The following NFKBIB variants were observed in gnomAD, a reference collection of about 807,000 sequenced individuals.
NFKBIB encodes NFKB inhibitor beta, also known as NF-kappa-B inhibitor beta.
NFKBIB carries 16 observed loss-of-function variants against 32.1 expected under a neutral mutation model. The observed-to-expected ratio is 0.50, with a 90% CI of 0.34 to 0.76. The LOEUF (loss-of-function observed/expected upper bound fraction) is 0.76. Among genes scored for constraint, NFKBIB ranks in the 30% least tolerant of loss-of-function variants. The pLI is 0.01. For missense variants in NFKBIB, 437 were observed against 514.9 expected (o/e 0.85, Z 1.46); for synonymous variants, 222 against 219.5 (o/e 1.01, Z -0.10).
In NFKBIB at chr19:38,905,534, G is replaced by A; in HGVS notation, c.618G>A (p.Glu206=). Reference sequence around the variant, plus strand: ...TGCAGCTGGAGGCTGAAAACTACGAGGGTGAGGGTCGTCACCAGGGAAGGA... The same window carrying A: ...TGCAGCTGGAGGCTGAAAACTACGAAGGTGAGGGTCGTCACCAGGGAAGGA... ...WKLQLEAENY[E]GHTPLHVAVI... is the part of the protein sequence containing the mutation. The change falls in exon 3 of 6, where the codon GAG becomes GAA. Residue 206 remains glutamate (E), a splice_region_variant and synonymous_variant. Coordinates refer to ENST00000313582, the MANE Select transcript of NFKBIB (RefSeq NM_002503.5). This position sits in a 1 kb window ranked among gnomAD's most constrained non-coding sequence, Gnocchi z 5.5. The A allele has an allele frequency of 1.9e-6, 3 of 1,600,658 alleles. No homozygotes were observed. Among genetic ancestry groups the A allele is most frequent in the Middle Eastern group, 3.3e-4 (2 of 5,992 alleles).
At position 38,908,869 on chromosome 19, in the gene NFKBIB, AC is replaced by A. The variant is rs748383174; in HGVS notation, c.*38del. The A allele has an allele frequency of 9.9e-6, 16 of 1,610,734 alleles. No homozygotes were observed. The South Asian group carries it at 1.4e-4, about 14-fold the overall frequency. On this transcript the variant is annotated 3_prime_UTR_variant, in exon 6 of 6. Coordinates refer to ENST00000313582, the MANE Select transcript of NFKBIB (RefSeq NM_002503.5). ...GTTAATATAATTTCCAGTTTAATAAACAAAACCCTAGTTCTGACAACCAGAG... is the reference window on the plus strand; with the variant it reads ...GTTAATATAATTTCCAGTTTAATAAAAAAACCCTAGTTCTGACAACCAGAG...
chr19:38,908,020 G>A (rs768190181), intron 5 of NFKBIB: 5 of 1,120,936 alleles, frequency 4.5e-6, no homozygotes, highest in Non-Finnish European at 5.5e-6. Context: ...GGGTGGCAGT[G>A]ATTTGAACAC....
upstream of NFKBIB, chr19:38,899,928 A>AG (rs773652866): frequency 3.3e-5 from 39 of 1,181,068 alleles, no homozygotes; most frequent in South Asian, 6.2e-4. Context: ...TGGGTGAATC[A>AG]GGGGGCGTGG....
Position 38,907,568 on chromosome 19 carries a change from T to G in NFKBIB, c.878T>G (p.Leu293Arg). 3.7e-6 allele frequency: 6 copies of G among 1,612,442 alleles called. No homozygotes were observed. The highest frequency in any genetic ancestry group is 5.1e-6 in the Non-Finnish European group (6 of 1,179,672). The stretch of plus-strand genomic sequence containing the variant: ...CCCAACCCCATCCTCGCCCGCCTCC[T>G]CCGTGCACACGGAGCCCCTGAGCCC... ...LRPNPILARLLRAHGAPEPEG... is the reference protein window; with the variant it reads ...LRPNPILARLRRAHGAPEPEG... Residue 293 changes from leucine (L) to arginine (R), a missense_variant, in exon 5 of 6, where the codon CTC becomes CGC. Leu to Arg is a moderately radical substitution (Grantham distance 102). Transcript: ENST00000313582.
intron 3 of NFKBIB, among the ~76,000 whole-genome samples, chr19:38,906,333 G>A (rs534591241): frequency 2.0e-5 from 3 of 151,304 alleles, no homozygotes; most frequent in South Asian, 2.1e-4. Context: ...TAGTAGAGAC[G>A]GGGTTTTACC....
Position 38,905,431 on chromosome 19 carries a change from C to T in NFKBIB, c.515C>T (p.Thr172Ile), listed in dbSNP as rs1974088983. The T allele has an allele frequency of 3.7e-6, 6 of 1,614,002 alleles. No individual in the cohort carries two copies. The highest frequency in any genetic ancestry group is 1.7e-5 in the Admixed American group (1 of 60,020). Reference protein sequence around the residue: ...LAQGPDRTPDTNHTPVALYPD... With the variant: ...LAQGPDRTPDINHTPVALYPD... ...CAGGGCCCTGACCGTACTCCCGACA[C>T]CAACCATACCCCTGTCGCCTTGTAC... The change falls in exon 3 of 6, where the codon ACC becomes ATC. Residue 172 changes from threonine (T) to isoleucine (I), a missense_variant. Physicochemically the swap from Thr to Ile is moderately conservative, Grantham distance 89 (BLOSUM62 -1). Coordinates refer to ENST00000313582, the MANE Select transcript of NFKBIB (RefSeq NM_002503.5). The surrounding 1 kb of genome is among the most constrained non-coding windows in gnomAD (Gnocchi z 5.5).
chr19:38,905,448 G>T lies in NFKBIB; in HGVS notation c.532G>T (p.Ala178Ser). ...TCCCGACACCAACCATACCCCTGTC[G>T]CCTTGTACCCCGATTCCGACTTGGA... is the stretch of plus-strand genomic sequence containing the variant. ...RTPDTNHTPV[A>S]LYPDSDLEKE... Residue 178 changes from alanine (A) to serine (S), a missense_variant, in exon 3 of 6, where the codon GCC becomes TCC. Physicochemically the swap from Ala to Ser is moderately conservative, Grantham distance 99 (BLOSUM62 1). Transcript: ENST00000313582. This position sits in a 1 kb window ranked among gnomAD's most constrained non-coding sequence, Gnocchi z 5.5. 3.1e-6 allele frequency: 5 copies of T among 1,613,994 alleles called. No homozygotes were observed. Among genetic ancestry groups the T allele is most frequent in the Non-Finnish European group, 4.2e-6 (5 of 1,179,998 alleles).
At chr19:38,908,671 T>C (rs1974231087) in intron 5 of NFKBIB, 60 bp from the exon 6 acceptor site, 2 of 1,562,436 alleles carry the variant, frequency 1.3e-6, no homozygotes, top group Non-Finnish European at 1.7e-6. Context: ...TATGAGGACA[T>C]GGGTGGTGGG....
Position 38,907,455 on chromosome 19 carries a change from T to C in NFKBIB, c.765T>C (p.Asp255=), listed in dbSNP as rs757439180. The C allele has an allele frequency of 1.2e-6, 2 of 1,607,244 alleles. No homozygotes were observed. The highest frequency in any genetic ancestry group is 1.7e-5 in the Admixed American group (1 of 59,844). ...TGGCAGTGGAGGCCCAGGCAGCCGATGTGCTGGAGCTTCTCCTGAGGGCAG... is the reference window on the plus strand; with the variant it reads ...TGGCAGTGGAGGCCCAGGCAGCCGACGTGCTGGAGCTTCTCCTGAGGGCAG... ...LHLAVEAQAA[D]VLELLLRAGA... The change falls in exon 5 of 6, where the codon GAT becomes GAC. Residue 255 remains aspartate, a synonymous_variant. Coordinates refer to ENST00000313582, the MANE Select transcript of NFKBIB (RefSeq NM_002503.5).
chr19:38,899,859 C>T (rs1353601739), upstream of NFKBIB: 2 of 756,650 alleles, frequency 2.6e-6, no homozygotes, highest in South Asian at 1.8e-5. Flanking sequence ...CTCCCGAATA[C>T]TCTGATTGGT....
Position 38,900,015 on chromosome 19 carries a change from C to A in NFKBIB, c.-18C>A. The A allele has an allele frequency of 1.4e-6, 2 of 1,453,660 alleles. No individual in the cohort carries two copies. Among genetic ancestry groups the A allele is most frequent in the Admixed American group, 2.7e-5 (1 of 37,458 alleles). 90.0% of individuals were successfully genotyped at this position (1,453,660 alleles called of 1,614,324 possible). On this transcript the variant is annotated 5_prime_UTR_variant, in exon 1 of 6. Transcript: ENST00000313582. ...TACAGGCGGGCGACTGCGGGGGGCC[C>A]CTGAGGCGGCGGGGGCCATGGCTGG...
rs1297084825 is a variant in NFKBIB at position 38,908,543 on chromosome 19, A to AAAT, written c.970-186_970-185insTAA. On this transcript the variant is annotated intron_variant, in intron 5 of 5. Coordinates refer to ENST00000313582, the MANE Select transcript of NFKBIB (RefSeq NM_002503.5). ...AACAGAGCGAGACTCCATCTTAAAA[A>AAAT]AAAAAAAAAAAAAAAGAAAGAAAAG... The AAAT allele has an allele frequency of 3.7e-3, 4,795 of 1,295,638 alleles. 4 individuals carry two copies. The highest frequency in any genetic ancestry group is 0.011 in the Middle Eastern group (39 of 3,468). The allele number at this position is 1,295,638 out of a possible 1,614,324, so 80.3% of individuals were successfully genotyped here.
chr19:38,905,447 C>T lies in NFKBIB; in HGVS notation c.531C>T (p.Val177=), dbSNP rs779362764. 40 of 1,613,940 alleles carry T rather than the reference C, an allele frequency of 2.5e-5. No individual in the cohort carries two copies. Among genetic ancestry groups the T allele is most frequent in the South Asian group, 9.9e-5 (9 of 91,090 alleles). ...DRTPDTNHTP[V]ALYPDSDLEK... is the part of the protein sequence containing the mutation. ...CTCCCGACACCAACCATACCCCTGT[C>T]GCCTTGTACCCCGATTCCGACTTGG... Residue 177 remains valine (V), a synonymous_variant, in exon 3 of 6, where the codon GTC becomes GTT. Transcript: ENST00000313582. The surrounding 1 kb of genome is among the most constrained non-coding windows in gnomAD (Gnocchi z 5.5).
At position 38,905,695 on chromosome 19, in the gene NFKBIB, A is replaced by T. The variant is rs2241704; in HGVS notation, c.619+160A>T. 0.17 allele frequency among the ~76,000 whole-genome samples: 25,105 copies of T among 152,114 alleles called. 2,564 individuals carry two copies. The highest frequency in any genetic ancestry group is 0.32 in the South Asian group (1,545 of 4,818). The stretch of plus-strand genomic sequence containing the variant: ...CCAGGGACCTCCACTCAGGGCCCAG[A>T]TGATTGAGAATTGGATATGTAGGAC... On this transcript the variant is annotated intron_variant, in intron 3 of 5. Transcript: ENST00000313582. This position sits in a 1 kb window ranked among gnomAD's most constrained non-coding sequence, Gnocchi z 5.5.
chr19:38,905,277 T>C lies in NFKBIB; in HGVS notation c.361T>C (p.Cys121Arg), dbSNP rs1209494671. 3 of 1,601,706 alleles carry C rather than the reference T, an allele frequency of 1.9e-6. No homozygotes were observed. The highest frequency in any genetic ancestry group is 2.6e-6 in the Non-Finnish European group (3 of 1,175,028). The change falls in exon 3 of 6, where the codon TGT (cysteine) becomes CGT (arginine). Residue 121 changes from cysteine (C) to arginine (R), a missense_variant. Transcript: ENST00000313582. This position sits in a 1 kb window ranked among gnomAD's most constrained non-coding sequence, Gnocchi z 5.5. Reference sequence around the variant, plus strand: ...GCTGTACGCAGCAGGCGCCGGGCTGTGTGTGGCGGAGCGTAGGGGCCACAC... The same window carrying C: ...GCTGTACGCAGCAGGCGCCGGGCTGCGTGTGGCGGAGCGTAGGGGCCACAC... ...EKLYAAGAGL[C>R]VAERRGHTAL...
At chr19:38,904,481 G>C (rs77974825) in intron 1 of NFKBIB, among the ~76,000 whole-genome samples, 1 of 120,198 alleles carries the variant, frequency 8.3e-6, no homozygotes, top group African/African-American at 3.0e-5. Context: ...TGGCAACTCT[G>C]TTTTGTACTC....
intron 5 of NFKBIB, 169 bp downstream of exon 5, chr19:38,907,828 T>C: frequency 1.4e-6 from 2 of 1,421,376 alleles, no homozygotes; most frequent in South Asian, 1.6e-5. Flanking sequence ...ACAGGGGTGG[T>C]GGGAAGAGCT....
rs767539361 is a variant in NFKBIB, at chr19:38,900,123, C to T, written c.91C>T (p.Pro31Ser). ...LGSLGPDAAA[P>S]GGPGLGAELG... ...CTCCCTGGGTCCGGACGCAGCGGCC[C>T]CCGGAGGACCTGGGTTGGGCGCGGA... The change falls in exon 1 of 6, where the codon CCC becomes TCC. Residue 31 changes from proline to serine, a missense_variant. Transcript: ENST00000313582. 1.3e-6 allele frequency: 2 copies of T among 1,584,660 alleles called. No individual in the cohort carries two copies. The highest frequency in any genetic ancestry group is 2.7e-5 in the African/African-American group (2 of 73,854).
intron 3 of NFKBIB, among the ~76,000 whole-genome samples, chr19:38,906,975 A>ACCCCAGGCTGATTACCCACGGG (rs922826386): frequency 1.3e-5 from 2 of 152,100 alleles, no homozygotes; most frequent in Non-Finnish European, 2.9e-5. Flanking sequence ...CTGTCCACAG[A>ACCCCAGGCTGATTACCCACGGG]CCCCAGGCTG....
Sources: gnomAD v4.1 joint callset for allele counts (sites outside exome capture counted in the v4.1 genomes callset) on GRCh38, gnomAD v4.1.1 for gene constraint, Gnocchi (gnomAD v3.1) non-coding constraint, MANE v1.5 for transcripts, NCBI Gene and HGNC (gene_info 2026-07-23, HGNC 2026-07-21) for gene names.